Variants in TP63 observed in about 807,000 individuals in gnomAD.
TP63 encodes the protein tumor protein 63.
Under a neutral mutation model 82.8 loss-of-function variants are expected in TP63, and 17 were observed. That is an observed-to-expected ratio of 0.21 (90% CI 0.14 to 0.31). TP63 has a LOEUF of 0.31. TP63 is among the 10% of genes least tolerant of loss of function. The pLI, the probability that TP63 is intolerant of heterozygous loss-of-function variation, is 1.00. For missense variants in TP63, 648 were observed against 895.3 expected (o/e 0.72, Z 3.52); for synonymous variants, 330 against 321.7 (o/e 1.03, Z -0.28).
chr3:189,774,165 G>A (rs1358882048), intron 3 of TP63, among the ~76,000 whole-genome samples: 4 of 151,766 alleles, frequency 2.6e-5, no homozygotes, highest in African/African-American at 7.3e-5. Context: ...CTCGTGATCC[G>A]CCCGCCTCGG....
At chr3:189,839,040 T>TA (rs5855274) in intron 4 of TP63, among the ~76,000 whole-genome samples, 1,200 of 88,542 alleles carry the variant, frequency 0.014, 31 homozygotes, top group African/African-American at 0.048. Flanking sequence ...TATCCTAAGC[T>TA]AAAAAAAAAA....
chr3:189,854,877 C>T (rs770825537), intron 4 of TP63, among the ~76,000 whole-genome samples: 12 of 152,086 alleles, frequency 7.9e-5, no homozygotes, highest in Non-Finnish European at 1.5e-4. Flanking sequence ...GACAGTAACA[C>T]TGTAAAGTTG....
the TP63 span, among the ~76,000 whole-genome samples, chr3:189,615,440 T>A: frequency 6.6e-6 from 1 of 152,200 alleles, no homozygotes; most frequent in African/African-American, 2.4e-5. Context: ...AATTGCTGCT[T>A]CTTTTCAGGT....
At chr3:189,712,400 G>A (rs1718658794) in intron 1 of TP63, among the ~76,000 whole-genome samples, 1 of 152,152 alleles carries the variant, frequency 6.6e-6, no homozygotes, top group Non-Finnish European at 1.5e-5. Flanking sequence ...CATAAACTGG[G>A]TAACTTACAA....
intron 2 of TP63, 23 bp downstream of exon 2, chr3:189,737,891 A>T: frequency 6.2e-7 from 1 of 1,613,524 alleles, no homozygotes; most frequent in Non-Finnish European, 8.5e-7. Flanking sequence ...CAAGCAAGAA[A>T]TGTTTTGCTT....
intron 7 of TP63, 93 bp from the exon 8 acceptor site, chr3:189,868,487 T>C: frequency 6.4e-7 from 1 of 1,559,176 alleles, no homozygotes; most frequent in Non-Finnish European, 8.7e-7. Flanking sequence ...ACGTTGGCGA[T>C]GGCCCATATG....
intron 1 of TP63, among the ~76,000 whole-genome samples, chr3:189,702,180 G>A (rs1306495249): frequency 3.3e-5 from 5 of 152,184 alleles, no homozygotes; most frequent in Non-Finnish European, 2.9e-5. Context: ...AGCTTCTCTA[G>A]TGGGCCTCTT....
intron 10 of TP63, among the ~76,000 whole-genome samples, chr3:189,875,609 T>TATATACAC (rs1553859652): frequency 3.0e-4 from 19 of 62,984 alleles, no homozygotes; most frequent in Non-Finnish European, 3.9e-4. Context: ...TATATATATA[T>TATATACAC]ATATATATAT....
chr3:189,851,171 A>T (rs1016744304), intron 4 of TP63, among the ~76,000 whole-genome samples: 4 of 151,994 alleles, frequency 2.6e-5, no homozygotes, highest in Non-Finnish European at 4.4e-5. Context: ...TTTCCATTTT[A>T]TATGTGTAAT....
chr3:189,851,824 G>A (rs1445358324), intron 4 of TP63, among the ~76,000 whole-genome samples: 1 of 152,070 alleles, frequency 6.6e-6, no homozygotes, highest in Non-Finnish European at 1.5e-5. Context: ...GAAGGTGAAA[G>A]TTCCATGGCA....
upstream of TP63, among the ~76,000 whole-genome samples, chr3:189,628,488 G>A (rs571992161): frequency 9.9e-5 from 15 of 152,208 alleles, no homozygotes; most frequent in African/African-American, 3.1e-4. Context: ...TTTCTCCTAC[G>A]TTATGCTCAG....
chr3:189,800,873 T>C (rs1221468484), intron 3 of TP63, among the ~76,000 whole-genome samples: 1 of 152,184 alleles, frequency 6.6e-6, no homozygotes, highest in African/African-American at 2.4e-5. Context: ...GGATGGAAGA[T>C]GGATGATAAG....
chr3:189,818,597 A>G (rs995126968), intron 4 of TP63, among the ~76,000 whole-genome samples: 4 of 152,148 alleles, frequency 2.6e-5, no homozygotes, highest in African/African-American at 7.2e-5. Context: ...TAGAATGGAT[A>G]CTTGTATAAT....
At chr3:189,809,080 TATTTATA>T (rs143718449) in intron 4 of TP63, among the ~76,000 whole-genome samples, 2,838 of 152,202 alleles carry the variant, frequency 0.019, 44 homozygotes, top group Non-Finnish European at 0.03. Flanking sequence ...TATAAATTAC[TATTTATA>T]ATTTATCAGT....
Position 189,889,377 on chromosome 3 carries a change from C to A in TP63, c.1545C>A (p.Asp515Glu). 3.7e-6 allele frequency: 6 copies of A among 1,614,156 alleles called. No homozygotes were observed. The change falls in exon 12 of 14, where the codon GAC becomes GAA. Residue 515 changes from aspartate (D) to glutamate (E), a missense_variant. Coordinates refer to ENST00000264731, the MANE Select transcript of TP63 (RefSeq NM_003722.5). ...GCACCCACATGCCAATGGCTGGAGACATGAATGGACTCAGCCCCACCCAGG... is the reference window on the plus strand; with the variant it reads ...GCACCCACATGCCAATGGCTGGAGAAATGAATGGACTCAGCCCCACCCAGG... ...MMGTHMPMAGDMNGLSPTQAL... is the reference protein window; with the variant it reads ...MMGTHMPMAGEMNGLSPTQAL...
intron 11 of TP63, among the ~76,000 whole-genome samples, chr3:189,888,578 G>C (rs920352845): frequency 2.6e-5 from 4 of 152,202 alleles, no homozygotes; most frequent in Admixed American, 2.6e-4. Context: ...CACTAAAGTA[G>C]AAACAAATTA....
At chr3:189,811,251 G>A (rs1255231396) in intron 4 of TP63, among the ~76,000 whole-genome samples, 1 of 152,148 alleles carries the variant, frequency 6.6e-6, no homozygotes, top group Non-Finnish European at 1.5e-5. Flanking sequence ...TGAGATGATA[G>A]TATTAATAAT....
chr3:189,846,612 GT>G (rs1261145428), intron 4 of TP63, among the ~76,000 whole-genome samples: 612 of 9,996 alleles, frequency 0.061, 2 homozygotes, highest in African/African-American at 0.37. Context: ...GGCCAGTAGG[GT>G]GTGTGTGTGT....
the TP63 span, among the ~76,000 whole-genome samples, chr3:189,597,212 A>G: frequency 3.3e-5 from 5 of 152,232 alleles, no homozygotes; most frequent in African/African-American, 4.8e-5. Context: ...GAGACTGGAC[A>G]GCCTTCACAA....
Sources: allele counts gnomAD v4.1 joint callset (sites outside exome capture counted in the v4.1 genomes callset), GRCh38; gene constraint gnomAD v4.1.1; transcripts MANE v1.5; gene names NCBI Gene and HGNC (gene_info 2026-07-23, HGNC 2026-07-21).